Variants in FHIT observed in about 807,000 individuals in gnomAD.
FHIT encodes fragile histidine triad diadenosine triphosphatase.
Under a neutral mutation model 17.9 loss-of-function variants are expected in FHIT, and 19 were observed. The observed-to-expected ratio is 1.06, with a 90% confidence interval of 0.74 to 1.56. The LOEUF is 1.56. Among genes scored for constraint, FHIT ranks in the 40% most tolerant of loss-of-function variants. The pLI is 0.00. For synonymous variants in FHIT, 81 were observed against 69.7 expected (o/e 1.16, Z -0.81); for missense variants, 248 against 189.2 (o/e 1.31, Z -1.82).
At chr3:61,171,066 C>T (rs184109684) in intron 2 of FHIT, among the ~76,000 whole-genome samples, 22 of 152,308 alleles carry the variant, frequency 1.4e-4, no homozygotes, top group Non-Finnish European at 2.8e-4. Context: ...TACACTCCCA[C>T]CAAAGGTGTA....
At chr3:60,367,748 CA>C (rs1479050399) in intron 5 of FHIT, among the ~76,000 whole-genome samples, 14 of 152,288 alleles carry the variant, frequency 9.2e-5, no homozygotes, top group African/African-American at 2.9e-4. Context: ...TGTATACACA[CA>C]TACAAAGCTC....
chr3:61,211,896 G>C (rs1053940620), intron 1 of FHIT, among the ~76,000 whole-genome samples: 1 of 152,206 alleles, frequency 6.6e-6, no homozygotes, highest in Non-Finnish European at 1.5e-5. Context: ...CAGGCAAACA[G>C]AGTCTGGAGT....
At chr3:59,833,781 C>G (rs1006339178) in intron 8 of FHIT, among the ~76,000 whole-genome samples, 2 of 152,096 alleles carry the variant, frequency 1.3e-5, no homozygotes, top group African/African-American at 4.8e-5. Flanking sequence ...GAGGGAGAGA[C>G]CTGGTGGGAG....
At chr3:60,559,647 C>G (rs751997600) in intron 4 of FHIT, among the ~76,000 whole-genome samples, 1 of 152,152 alleles carries the variant, frequency 6.6e-6, no homozygotes, top group African/African-American at 2.4e-5. Context: ...CAAGCGCTTG[C>G]TAATATCCAT....
chr3:60,871,291 G>A (rs1056733052), intron 3 of FHIT, among the ~76,000 whole-genome samples: 7 of 152,074 alleles, frequency 4.6e-5, no homozygotes, highest in Non-Finnish European at 5.9e-5. Flanking sequence ...GCACTCTAGT[G>A]AATATTCTGT....
At chr3:60,543,906 G>GGTTTTTTTT (rs1184405600) in intron 4 of FHIT, among the ~76,000 whole-genome samples, 1 of 10,924 alleles carries the variant, frequency 9.2e-5, no homozygotes, top group Non-Finnish European at 1.5e-4. Flanking sequence ...ACCACGCCCG[G>GGTTTTTTTT]CTTTTTTTTT....
chr3:60,470,022 G>A (rs959705838), intron 5 of FHIT, among the ~76,000 whole-genome samples: 1 of 115,154 alleles, frequency 8.7e-6, no homozygotes, highest in Non-Finnish European at 1.7e-5. Context: ...ATCTGTCTCT[G>A]TCTCTCTGTC....
At chr3:60,934,639 T>A (rs1553772673) in intron 3 of FHIT, among the ~76,000 whole-genome samples, 2 of 152,208 alleles carry the variant, frequency 1.3e-5, no homozygotes, top group Non-Finnish European at 2.9e-5. Context: ...TTCTCCATTT[T>A]AAAGAGGAGA....
intron 8 of FHIT, among the ~76,000 whole-genome samples, chr3:59,895,038 G>A (rs956110884): frequency 4.6e-5 from 7 of 152,190 alleles, no homozygotes; most frequent in Non-Finnish European, 8.8e-5. Flanking sequence ...GTCCCACAGG[G>A]GACATTTGAC....
chr3:61,059,352 C>CT, intron 2 of FHIT, among the ~76,000 whole-genome samples: 1 of 128,892 alleles, frequency 7.8e-6, no homozygotes, highest in East Asian at 2.3e-4. Context: ...TTCAATGTGG[C>CT]TTTTTTTCTT....
intron 2 of FHIT, among the ~76,000 whole-genome samples, chr3:61,151,298 C>T (rs1247179368): frequency 2.0e-5 from 3 of 152,174 alleles, no homozygotes; most frequent in African/African-American, 7.2e-5. Context: ...AGTCCCTTTT[C>T]ATAATATAGG....
At chr3:60,080,851 C>G (rs1225148663) in intron 5 of FHIT, 1 of 152,124 alleles carries the variant, frequency 6.6e-6, no homozygotes, top group Non-Finnish European at 1.5e-5. Context: ...GTGTTAGATG[C>G]AAACACTTGG....
At chr3:60,027,297 T>G (rs1382452734) in intron 5 of FHIT, among the ~76,000 whole-genome samples, 2 of 152,226 alleles carry the variant, frequency 1.3e-5, no homozygotes, top group Non-Finnish European at 2.9e-5. Context: ...AAAACAAATG[T>G]TCTGGCAATT....
At chr3:60,619,677 A>C (rs2039063036) in intron 4 of FHIT, among the ~76,000 whole-genome samples, 1 of 151,636 alleles carries the variant, frequency 6.6e-6, no homozygotes, top group Admixed American at 6.6e-5. Context: ...CTCAAAATGA[A>C]TCACAGACCT....
At chr3:60,672,597 G>GTA (rs1559629739) in intron 4 of FHIT, among the ~76,000 whole-genome samples, 3 of 152,192 alleles carry the variant, frequency 2.0e-5, no homozygotes, top group South Asian at 2.1e-4. Context: ...CCATCTGGGC[G>GTA]TATACGTGCA....
chr3:60,352,658 C>G (rs1213940525), intron 5 of FHIT, among the ~76,000 whole-genome samples: 1 of 152,070 alleles, frequency 6.6e-6, no homozygotes, highest in Admixed American at 6.6e-5. Context: ...TCCACCACCA[C>G]AGTCAGGTAA....
rs549777032 is a variant in FHIT at position 60,339,699 on chromosome 3, A to T, written c.103+197161T>A. ...CCTATTTTGTAACAGCTGTGAATCA[A>T]AACACTAGTGACTGAAATTAACTAC... On this transcript the variant is annotated intron_variant, in intron 5 of 9. Coordinates refer to ENST00000492590, the MANE Select transcript of FHIT (RefSeq NM_002012.4). 2.0e-4 allele frequency among the ~76,000 whole-genome samples: 31 copies of T among 152,328 alleles called. No individual in the cohort carries two copies. In the Middle Eastern group the frequency reaches 0.017, roughly 84 times the overall value.
At chr3:60,471,462 T>C (rs1248574170) in intron 5 of FHIT, among the ~76,000 whole-genome samples, 2 of 152,202 alleles carry the variant, frequency 1.3e-5, no homozygotes, top group African/African-American at 2.4e-5. Flanking sequence ...GAGTTCTTCC[T>C]GGTGTTGCTT....
intron 7 of FHIT, among the ~76,000 whole-genome samples, chr3:59,979,946 T>A (rs943297166): frequency 6.6e-6 from 1 of 152,130 alleles, no homozygotes. Context: ...CATAATAAGG[T>A]CAGCTGACAA....
Sources: allele counts gnomAD v4.1 joint callset (sites outside exome capture counted in the v4.1 genomes callset), GRCh38; gene constraint gnomAD v4.1.1; transcripts MANE v1.5; gene names NCBI Gene and HGNC (gene_info 2026-07-23, HGNC 2026-07-21).